The following ANGPT1 variants were observed in gnomAD, a reference collection of about 807,000 sequenced individuals.
ANGPT1 encodes angiopoietin-1.
Under a neutral mutation model 62.2 loss-of-function variants are expected in ANGPT1, and 17 were observed. That is an observed-to-expected ratio of 0.27 (90% CI 0.19 to 0.41). The LOEUF is 0.41. Ranked by LOEUF, ANGPT1 falls within the 10% of genes least tolerant of loss-of-function variation. The pLI is 1.00. For synonymous variants in ANGPT1, 199 were observed against 198.9 expected (o/e 1.00, Z 0.00); for missense variants, 478 against 594.9 (o/e 0.80, Z 2.04).
intron 1 of ANGPT1, among the ~76,000 whole-genome samples, chr8:107,474,737 C>A (rs919206364): frequency 1.3e-5 from 2 of 152,184 alleles, no homozygotes; most frequent in African/African-American, 2.4e-5. Context: ...TCAGCAAAGT[C>A]TGAGGATACA....
At chr8:107,328,247 C>T (rs886697474) in intron 3 of ANGPT1, among the ~76,000 whole-genome samples, 3 of 151,880 alleles carry the variant, frequency 2.0e-5, no homozygotes, top group Admixed American at 6.6e-5. Context: ...AATTTTTCTC[C>T]CCATTTAAAT....
In ANGPT1 at chr8:107,497,592, CA is replaced by C. The variant is rs1341050565; in HGVS notation, c.-35del. The stretch of plus-strand genomic sequence containing the variant: ...CAGCACACTCCTTCCGTGCCTCTCG[CA>C]AAACTTGCTCCTTTCTTCTGACCTC... On this transcript the variant is annotated 5_prime_UTR_variant, in exon 1 of 9. Coordinates refer to ENST00000517746, the MANE Select transcript of ANGPT1 (RefSeq NM_001146.5). 6.3e-7 allele frequency: 1 copy of C among 1,591,936 alleles called. No homozygotes were observed. The highest frequency in any genetic ancestry group is 1.3e-5 in the African/African-American group (1 of 74,618).
In ANGPT1 at chr8:107,284,852, G is replaced by A. The variant is rs372310874; in HGVS notation, c.1039-4C>T. 9.7e-5 allele frequency: 154 copies of A among 1,592,488 alleles called. No individual in the cohort carries two copies. The African/African-American group carries it at 2.0e-3, about 20-fold the overall frequency. ...CACCGGAGGGATTTCCAAAACCCTG[G>A]GAAACAATATAGAGATGCAGTTGTT... On this transcript the variant is annotated splice_region_variant and splice_polypyrimidine_tract_variant and intron_variant, in intron 6 of 8. Coordinates refer to ENST00000517746, the MANE Select transcript of ANGPT1 (RefSeq NM_001146.5).
At chr8:107,400,500 C>T (rs1817023726) in intron 1 of ANGPT1, among the ~76,000 whole-genome samples, 1 of 151,976 alleles carries the variant, frequency 6.6e-6, no homozygotes, top group Non-Finnish European at 1.5e-5. Context: ...CAGGAGGAGT[C>T]CAATCACTGC....
intron 7 of ANGPT1, among the ~76,000 whole-genome samples, chr8:107,276,977 A>G (rs528014023): frequency 6.6e-5 from 10 of 152,348 alleles, no homozygotes; most frequent in African/African-American, 2.4e-4. Context: ...AGACATCAAC[A>G]GTCAGTTCTA....
chr8:107,386,895 T>C (rs1403997214), intron 1 of ANGPT1, among the ~76,000 whole-genome samples: 1 of 152,090 alleles, frequency 6.6e-6, no homozygotes, highest in African/African-American at 2.4e-5. Context: ...AAAAACTGAG[T>C]AATCTATGGT....
chr8:107,280,047 T>C (rs944046952), intron 7 of ANGPT1, among the ~76,000 whole-genome samples: 1 of 151,984 alleles, frequency 6.6e-6, no homozygotes, highest in Non-Finnish European at 1.5e-5. Flanking sequence ...TGGTGAAGAC[T>C]TCAACTAATC....
intron 1 of ANGPT1, among the ~76,000 whole-genome samples, chr8:107,349,008 G>A (rs563976501): frequency 2.2e-3 from 342 of 152,196 alleles, no homozygotes; most frequent in Non-Finnish European, 3.4e-3. Context: ...GTTTTCCTCT[G>A]TGGTTAATAA....
intron 1 of ANGPT1, among the ~76,000 whole-genome samples, chr8:107,371,573 CTTTTTTTTTTTTT>C (rs5893851): frequency 1.4e-4 from 14 of 102,128 alleles, no homozygotes; most frequent in African/African-American, 4.4e-4. Flanking sequence ...GCTGAGCATT[CTTTTTTTTTTTTT>C]TTTTTTTTTG....
chr8:107,309,603 A>G (rs558388920), intron 4 of ANGPT1, among the ~76,000 whole-genome samples: 1 of 152,210 alleles, frequency 6.6e-6, no homozygotes, highest in Non-Finnish European at 1.5e-5. Flanking sequence ...TCAATATTTT[A>G]TGGGTAGGTA....
At chr8:107,353,870 A>C (rs917732059) in intron 1 of ANGPT1, among the ~76,000 whole-genome samples, 3 of 152,048 alleles carry the variant, frequency 2.0e-5, no homozygotes, top group African/African-American at 7.2e-5. Flanking sequence ...CTTTCTGTAA[A>C]TATTCTTTCT....
At chr8:107,338,043 C>T (rs893759068) in intron 2 of ANGPT1, among the ~76,000 whole-genome samples, 1 of 152,064 alleles carries the variant, frequency 6.6e-6, no homozygotes, top group Non-Finnish European at 1.5e-5. Context: ...TTGCAGTGAG[C>T]CATAATTATG....
At chr8:107,337,621 C>T (rs952595323) in intron 2 of ANGPT1, among the ~76,000 whole-genome samples, 8 of 152,266 alleles carry the variant, frequency 5.3e-5, no homozygotes, top group African/African-American at 1.9e-4. Flanking sequence ...TTATTTGAAA[C>T]ATTTTTTAAC....
chr8:107,321,214 G>A (rs1173232690), intron 4 of ANGPT1, among the ~76,000 whole-genome samples: 1 of 151,866 alleles, frequency 6.6e-6, no homozygotes. Context: ...AGAAATACAG[G>A]GTTGTAGATA....
intron 1 of ANGPT1, among the ~76,000 whole-genome samples, chr8:107,476,731 T>C (rs1398654586): frequency 6.6e-6 from 1 of 152,192 alleles, no homozygotes; most frequent in African/African-American, 2.4e-5. Flanking sequence ...AACAGCTCCA[T>C]ATGACACAAA....
intron 1 of ANGPT1, among the ~76,000 whole-genome samples, chr8:107,368,336 A>T (rs867374914): frequency 6.6e-6 from 1 of 152,048 alleles, no homozygotes; most frequent in African/African-American, 2.4e-5. Context: ...TCATCATGCC[A>T]TGCTGTAAAC....
At chr8:107,310,993 A>G (rs553015136) in intron 4 of ANGPT1, among the ~76,000 whole-genome samples, 56 of 137,332 alleles carry the variant, frequency 4.1e-4, no homozygotes, top group Admixed American at 2.6e-3. Flanking sequence ...GTGTGTGTGT[A>G]TGTGTGTGAC....
chr8:107,318,679 ATTTC>A (rs989214227), intron 4 of ANGPT1, among the ~76,000 whole-genome samples: 1 of 150,010 alleles, frequency 6.7e-6, no homozygotes, highest in African/African-American at 2.5e-5. Context: ...TAGGCCCTCT[ATTTC>A]TTTTTTAAAT....
chr8:107,475,790 C>T (rs1205541354), intron 1 of ANGPT1, among the ~76,000 whole-genome samples: 1 of 152,192 alleles, frequency 6.6e-6, no homozygotes, highest in Non-Finnish European at 1.5e-5. Context: ...TGAACAGACA[C>T]TTCTCAAAAG....
Sources: allele counts gnomAD v4.1 joint callset (sites outside exome capture counted in the v4.1 genomes callset), GRCh38; gene constraint gnomAD v4.1.1; transcripts MANE v1.5; gene names NCBI Gene and HGNC (gene_info 2026-07-23, HGNC 2026-07-21).